The following PRTFDC1 variants were observed in gnomAD, a reference collection of about 807,000 sequenced individuals.
The protein encoded by PRTFDC1 is phosphoribosyl transferase domain containing 1, also known as phosphoribosyltransferase domain-containing protein 1.
In PRTFDC1, 38 loss-of-function variants were observed where a neutral mutation model predicts 34.6. The observed-to-expected ratio is 1.10, with a 90% CI of 0.85 to 1.44. PRTFDC1 has a LOEUF of 1.44. Among genes scored for constraint, PRTFDC1 ranks in the 40% most tolerant of loss-of-function variants. The probability of loss-of-function intolerance (pLI) is 0.00; values close to 1 mark genes in which losing one functional copy is unlikely to be tolerated. For missense variants in PRTFDC1, 270 were observed against 283.0 expected, an observed-to-expected ratio of 0.95 and a Z score of 0.33; for synonymous variants, 93 against 98.1, an observed-to-expected ratio of 0.95 and a Z score of 0.31.
intron 3 of PRTFDC1, among the ~76,000 whole-genome samples, chr10:24,874,080 T>G (rs1054067859): frequency 6.6e-6 from 1 of 151,444 alleles, no homozygotes; most frequent in Non-Finnish European, 1.5e-5. Flanking sequence ...GCCAAATATA[T>G]TTTTACTTCT....
At chr10:24,881,831 A>G (rs560220369) in intron 3 of PRTFDC1, among the ~76,000 whole-genome samples, 108 of 152,144 alleles carry the variant, frequency 7.1e-4, no homozygotes, top group African/African-American at 2.5e-3. Context: ...AGGAAATGCA[A>G]TTTGGTTCTT....
In PRTFDC1 at chr10:24,908,777, G is replaced by C. The variant is rs1474291501; in HGVS notation, c.339+28407C>G. The C allele has an allele frequency of 5.6e-6, 8 of 1,439,556 alleles. No individual in the cohort carries two copies. In the Admixed American group the frequency reaches 2.0e-4, roughly 35 times the overall value. 89.2% of individuals were successfully genotyped at this position (1,439,556 alleles called of 1,614,324 possible). ...CCTGATCAACCCTAGCGATCAATGGGGTGACTGATGCCACAGCCAGATAGC... is the reference window on the plus strand; with the variant it reads ...CCTGATCAACCCTAGCGATCAATGGCGTGACTGATGCCACAGCCAGATAGC... On this transcript the variant is annotated intron_variant, in intron 3 of 8. Coordinates refer to ENST00000320152, the MANE Select transcript of PRTFDC1 (RefSeq NM_020200.7).
intron 3 of PRTFDC1, among the ~76,000 whole-genome samples, chr10:24,902,704 T>A (rs544999385): frequency 9.4e-4 from 143 of 152,336 alleles, no homozygotes; most frequent in African/African-American, 3.4e-3. Flanking sequence ...AGTGACAAGG[T>A]AACAAGAAGG....
At chr10:24,951,975 T>C (rs1849351957) in intron 1 of PRTFDC1, among the ~76,000 whole-genome samples, 1 of 152,198 alleles carries the variant, frequency 6.6e-6, no homozygotes, top group Admixed American at 6.5e-5. Context: ...CGCCAGCGTG[T>C]CCTAGAGCTC....
chr10:24,918,962 T>C (rs1339858024), intron 3 of PRTFDC1, among the ~76,000 whole-genome samples: 1 of 152,208 alleles, frequency 6.6e-6, no homozygotes, highest in Non-Finnish European at 1.5e-5. Context: ...CTTAGCCCCA[T>C]TCTCGGCCAG....
intron 1 of PRTFDC1, among the ~76,000 whole-genome samples, chr10:24,942,658 G>C (rs1269243849): frequency 6.6e-6 from 1 of 152,060 alleles, no homozygotes; most frequent in Non-Finnish European, 1.5e-5. Context: ...TGTTTTGTTT[G>C]AGACTTTGAG....
chr10:24,946,101 G>A (rs1849247461), intron 1 of PRTFDC1, among the ~76,000 whole-genome samples: 1 of 152,050 alleles, frequency 6.6e-6, no homozygotes, highest in Non-Finnish European at 1.5e-5. Context: ...CTCCACCAGT[G>A]GCACCATTAA....
At chr10:24,917,230 T>C (rs1385538219) in intron 3 of PRTFDC1, among the ~76,000 whole-genome samples, 1 of 152,232 alleles carries the variant, frequency 6.6e-6, no homozygotes, top group Non-Finnish European at 1.5e-5. Context: ...GTCTTCCCTT[T>C]ACTGTGTCAA....
At chr10:24,888,215 C>T (rs1013285176) in intron 3 of PRTFDC1, among the ~76,000 whole-genome samples, 1 of 152,276 alleles carries the variant, frequency 6.6e-6, no homozygotes, top group African/African-American at 2.4e-5. Flanking sequence ...AGGGACTTTA[C>T]ACCTATCTCC....
chr10:24,934,437 C>T (rs1422384548), intron 3 of PRTFDC1, among the ~76,000 whole-genome samples: 5 of 152,186 alleles, frequency 3.3e-5, no homozygotes, highest in African/African-American at 1.2e-4. Context: ...AGACATGCCT[C>T]GTGATCCCCT....
At chr10:24,870,917 C>G (rs1309555054) in intron 4 of PRTFDC1, among the ~76,000 whole-genome samples, 1 of 151,772 alleles carries the variant, frequency 6.6e-6, no homozygotes, top group Non-Finnish European at 1.5e-5. Context: ...ACTAAAAATA[C>G]AAAAATTACC....
At chr10:24,896,822 C>T (rs989922238) in intron 3 of PRTFDC1, among the ~76,000 whole-genome samples, 1 of 152,226 alleles carries the variant, frequency 6.6e-6, no homozygotes, top group African/African-American at 2.4e-5. Context: ...CGCCTGTAAT[C>T]CTAGAACTTT....
chr10:24,863,408 G>A (rs150535911), intron 4 of PRTFDC1, among the ~76,000 whole-genome samples: 356 of 152,206 alleles, frequency 2.3e-3, no homozygotes, highest in African/African-American at 7.2e-3. Context: ...GACCTACTGC[G>A]CAGAAAACAA....
At chr10:24,851,316 C>T (rs960581601) in intron 8 of PRTFDC1, 72 bp downstream of exon 8, 76 of 1,559,074 alleles carry the variant, frequency 4.9e-5, no homozygotes, top group Admixed American at 1.2e-4. Context: ...ATCACTAACA[C>T]GCATTCAATA....
chr10:24,945,374 T>A (rs1045467269), intron 1 of PRTFDC1, among the ~76,000 whole-genome samples: 1 of 152,212 alleles, frequency 6.6e-6, no homozygotes, highest in African/African-American at 2.4e-5. Context: ...CTCCTTGTGA[T>A]AAAGAGCACC....
At chr10:24,928,078 G>A (rs1215879566) in intron 3 of PRTFDC1, among the ~76,000 whole-genome samples, 1 of 152,070 alleles carries the variant, frequency 6.6e-6, no homozygotes, top group East Asian at 1.9e-4. Context: ...GTCAAATCAT[G>A]GCTTAATTTA....
intron 4 of PRTFDC1, 57 bp downstream of exon 4, chr10:24,871,941 C>T (rs925964684): frequency 1.4e-6 from 2 of 1,453,820 alleles, no homozygotes; most frequent in Middle Eastern, 1.8e-4. Flanking sequence ...ACCTGAAATG[C>T]AGGTCACCGA....
At position 24,952,277 on chromosome 10, in the gene PRTFDC1, G is replaced by A. The variant is rs1849357912; in HGVS notation, c.48+251C>T. Among the ~76,000 whole-genome samples the A allele has an allele frequency of 6.6e-6, 1 of 151,862 alleles. No homozygotes were observed. The highest frequency in any genetic ancestry group is 2.4e-5 in the African/African-American group (1 of 41,352). The stretch of plus-strand genomic sequence containing the variant: ...TGGGCGCCGGCGGGACGCTGCAGGA[G>A]CGAGCTACCGGCCGGAGGACACGGG... On this transcript the variant is annotated intron_variant, in intron 1 of 8. Transcript: ENST00000320152. This position sits in a 1 kb window ranked among gnomAD's most constrained non-coding sequence, Gnocchi z 5.1.
intron 3 of PRTFDC1, among the ~76,000 whole-genome samples, chr10:24,923,231 C>A (rs1042643893): frequency 1.3e-5 from 2 of 152,234 alleles, no homozygotes; most frequent in Admixed American, 1.3e-4. Flanking sequence ...TATAGCTGAA[C>A]AAAAGGCAGC....
Sources: allele counts gnomAD v4.1 joint callset (sites outside exome capture counted in the v4.1 genomes callset), GRCh38; gene constraint gnomAD v4.1.1; non-coding constraint Gnocchi (gnomAD v3.1); transcripts MANE v1.5; gene names NCBI Gene and HGNC (gene_info 2026-07-23, HGNC 2026-07-21).